CHIC2: variants seen among roughly 807,000 people sequenced by gnomAD.
The protein encoded by CHIC2 is cysteine-rich hydrophobic domain-containing protein 2.
A neutral mutation model predicts 25.9 loss-of-function variants in CHIC2; 14 were observed. The observed-to-expected ratio is 0.54, with a 90% CI of 0.36 to 0.85. The LOEUF (loss-of-function observed/expected upper bound fraction) is 0.85. CHIC2 is among the 40% of genes least tolerant of loss of function. CHIC2 has a pLI of 0.01. For synonymous variants in CHIC2, 70 were observed against 72.0 expected, an observed-to-expected ratio of 0.97 and a Z score of 0.14; for missense variants, 146 against 202.0, an observed-to-expected ratio of 0.72 and a Z score of 1.68.
intron 3 of CHIC2, among the ~76,000 whole-genome samples, chr4:54,033,899 A>T (rs1401270328): frequency 1.3e-5 from 2 of 151,996 alleles, no homozygotes; most frequent in African/African-American, 4.8e-5. Context: ...TACTTTGAGT[A>T]TTGTAGCTTT....
At chr4:54,017,499 G>C (rs571009035) in intron 3 of CHIC2, among the ~76,000 whole-genome samples, 2 of 152,144 alleles carry the variant, frequency 1.3e-5, no homozygotes, top group African/African-American at 2.4e-5. Flanking sequence ...GGCAGTGCAG[G>C]CTTTAGTGTA....
rs1012517567 is a variant in CHIC2 at position 54,049,064 on chromosome 4, C to T, written c.221G>A (p.Cys74Tyr). 5 of 1,612,094 alleles carry T rather than the reference C, an allele frequency of 3.1e-6. No individual in the cohort carries two copies. In the East Asian group the frequency reaches 6.7e-5, roughly 22 times the overall value. The change falls in exon 3 of 6, where the codon TGT becomes TAT. Residue 74 changes from cysteine (C) to tyrosine (Y), a missense_variant. By Grantham distance (194) the Cys-to-Tyr change is radical. Coordinates refer to ENST00000263921, the MANE Select transcript of CHIC2 (RefSeq NM_012110.4). The stretch of plus-strand genomic sequence containing the variant: ...ATTAACAGGAAGGTTCTTCTTAAGA[C>T]AACTGTTAACTCTGTTGATGCTGGC... ...FKASINRVNSCLKKNLPVNVR... is the reference protein window; with the variant it reads ...FKASINRVNSYLKKNLPVNVR...
At chr4:54,013,928 T>C (rs765622981) in intron 4 of CHIC2, 32 bp from the exon 5 acceptor site, 3 of 1,609,938 alleles carry the variant, frequency 1.9e-6, no homozygotes, top group South Asian at 1.1e-5. Flanking sequence ...AGAAGAAAAA[T>C]GAGCTCTATT....
chr4:54,070,708 C>A, the CHIC2 span, among the ~76,000 whole-genome samples: 1 of 152,316 alleles, frequency 6.6e-6, no homozygotes, highest in African/African-American at 2.4e-5. Flanking sequence ...CAGGAGTGAG[C>A]CACCAGGCCT....
intron 3 of CHIC2, among the ~76,000 whole-genome samples, chr4:54,025,846 C>A (rs1469279414): frequency 2.9e-5 from 4 of 139,330 alleles, no homozygotes; most frequent in Non-Finnish European, 6.4e-5. Context: ...CAGAGTAAGA[C>A]CCTGTCTCAA....
chr4:54,050,903 C>A (rs529881742), intron 1 of CHIC2, among the ~76,000 whole-genome samples: 1 of 151,864 alleles, frequency 6.6e-6, no homozygotes, highest in African/African-American at 2.4e-5. Flanking sequence ...AACCAAAAAC[C>A]CTGTTGAAAT....
intron 3 of CHIC2, among the ~76,000 whole-genome samples, chr4:54,017,467 T>A (rs1224691212): frequency 6.6e-6 from 1 of 152,180 alleles, no homozygotes; most frequent in Non-Finnish European, 1.5e-5. Context: ...AAAATCTATT[T>A]AGCTGAAAGA....
At chr4:54,080,982 AT>A in the CHIC2 span, among the ~76,000 whole-genome samples, 1 of 124,688 alleles carries the variant, frequency 8.0e-6, no homozygotes, top group Non-Finnish European at 1.7e-5. Context: ...ATATATATAT[AT>A]ATAAAATCAT....
At chr4:54,041,128 A>G (rs1425777746) in intron 3 of CHIC2, among the ~76,000 whole-genome samples, 1 of 151,496 alleles carries the variant, frequency 6.6e-6, no homozygotes, top group Non-Finnish European at 1.5e-5. Flanking sequence ...GTTGGCCAGG[A>G]TGGTCTCGAT....
At chr4:54,048,191 T>C (rs542588735) in intron 3 of CHIC2, among the ~76,000 whole-genome samples, 28 of 152,290 alleles carry the variant, frequency 1.8e-4, no homozygotes, top group African/African-American at 6.0e-4. Context: ...GGTTTTACCA[T>C]GTACGCCAGA....
intron 3 of CHIC2, among the ~76,000 whole-genome samples, chr4:54,023,542 A>C (rs1208828166): frequency 6.6e-6 from 1 of 152,050 alleles, no homozygotes; most frequent in Non-Finnish European, 1.5e-5. Context: ...CCATGACTGT[A>C]TCTCTCTGAT....
chr4:54,023,941 C>T (rs1473239268), intron 3 of CHIC2, among the ~76,000 whole-genome samples: 2 of 152,198 alleles, frequency 1.3e-5, no homozygotes, highest in Non-Finnish European at 2.9e-5. Context: ...GCTTTACTTC[C>T]AAAGGAAGCT....
At chr4:54,046,467 C>T (rs771442618) in intron 3 of CHIC2, among the ~76,000 whole-genome samples, 1 of 152,108 alleles carries the variant, frequency 6.6e-6, no homozygotes, top group Non-Finnish European at 1.5e-5. Context: ...ACCAATGGAA[C>T]AGAACAGAGC....
intron 3 of CHIC2, among the ~76,000 whole-genome samples, chr4:54,027,016 T>TC (rs1429671678): frequency 2.6e-5 from 4 of 152,156 alleles, no homozygotes; most frequent in African/African-American, 7.2e-5. Flanking sequence ...AACAAGGCTA[T>TC]CGGCCTTGAA....
intron 3 of CHIC2, among the ~76,000 whole-genome samples, chr4:54,020,501 G>A (rs776568410): frequency 3.9e-5 from 6 of 152,072 alleles, no homozygotes; most frequent in Admixed American, 1.3e-4. Flanking sequence ...TCACACTGAC[G>A]CGTGAGACAT....
At chr4:54,040,972 GA>G (rs1464317979) in intron 3 of CHIC2, among the ~76,000 whole-genome samples, 2 of 147,742 alleles carry the variant, frequency 1.4e-5, no homozygotes, top group African/African-American at 2.5e-5. Context: ...GTTGGGGATA[GA>G]TTTTTTTTTT....
At chr4:54,049,219 GCATA>G in intron 2 of CHIC2, 28 bp downstream of exon 2, 1 of 1,570,150 alleles carries the variant, frequency 6.4e-7, no homozygotes, top group Non-Finnish European at 8.7e-7. Flanking sequence ...TCATTTTGAG[GCATA>G]CAAATAGTAC....
At chr4:54,036,474 C>T (rs1164572137) in intron 3 of CHIC2, among the ~76,000 whole-genome samples, 1 of 152,162 alleles carries the variant, frequency 6.6e-6, no homozygotes, top group East Asian at 1.9e-4. Context: ...GCAGGAGCAA[C>T]GGGGTTGGGG....
the CHIC2 span, among the ~76,000 whole-genome samples, chr4:54,080,983 TATAA>T: frequency 8.7e-6 from 1 of 114,642 alleles, no homozygotes; most frequent in Non-Finnish European, 1.8e-5. Flanking sequence ...TATATATATA[TATAA>T]AATCATCACA....
Sources: gnomAD v4.1 joint callset for allele counts (sites outside exome capture counted in the v4.1 genomes callset) on GRCh38, gnomAD v4.1.1 for gene constraint, MANE v1.5 for transcripts, NCBI Gene and HGNC (gene_info 2026-07-23, HGNC 2026-07-21) for gene names.